Variants in POLRMT observed in about 807,000 individuals in gnomAD.
POLRMT encodes the protein DNA-directed RNA polymerase, mitochondrial.
POLRMT carries 114 observed loss-of-function variants against 132.2 expected under a neutral mutation model. The ratio of observed to expected loss-of-function variants is 0.86; its 90% CI spans 0.74 to 1.01. The LOEUF is 1.01. POLRMT is among the 50% of genes least tolerant of loss of function. POLRMT has a pLI of 0.00. For missense variants in POLRMT, 2,003 were observed against 1,729.1 expected, an observed-to-expected ratio of 1.16 and a Z score of -2.81; for synonymous variants, 1,020 against 773.4, an observed-to-expected ratio of 1.32 and a Z score of -5.29.
At chr19:631,060 G>A (rs574062013) in intron 2 of POLRMT, among the ~76,000 whole-genome samples, 2 of 152,174 alleles carry the variant, frequency 1.3e-5, no homozygotes, top group South Asian at 4.1e-4. Flanking sequence ...TTGGGAGGCT[G>A]AGGCAGGAGA....
Position 624,855 on chromosome 19 carries a change from G to A in POLRMT, c.1004C>T (p.Thr335Ile), listed in dbSNP as rs775391846. ...ATCCTCCTCAGACAGCAGAACGGCG[G>A]TGAAGAGTGCCTGCAGCTTCAGCCC... The part of the protein sequence containing the change: ...QEGLKLQALF[T>I]AVLLSEEDRA... Residue 335 changes from threonine to isoleucine, a missense_variant, in exon 5 of 21, where the codon ACC (threonine) becomes ATC (isoleucine). Physicochemically the swap from Thr to Ile is moderately conservative, Grantham distance 89. Coordinates refer to ENST00000588649, the MANE Select transcript of POLRMT (RefSeq NM_005035.4). The A allele has an allele frequency of 5.0e-6, 8 of 1,613,078 alleles. No individual in the cohort carries two copies. The Admixed American group carries it at 1.0e-4, about 20-fold the overall frequency.
In POLRMT at chr19:621,605, G is replaced by C. The variant is rs1461637819; in HGVS notation, c.2093C>G (p.Ala698Gly). Residue 698 changes from alanine (A) to glycine (G), a missense_variant, in exon 10 of 21, where the codon GCC (alanine) becomes GGC (glycine). Ala to Gly is a moderately conservative substitution (Grantham distance 60, BLOSUM62 0). Coordinates refer to ENST00000588649, the MANE Select transcript of POLRMT (RefSeq NM_005035.4). ...PPTALHGALD[A>G]LTQLGNCAWR... ...GGCGCAGTTGCCCAGTTGGGTGAGG[G>C]CGTCCAGTGCGCCATGCAGCGCGGT... is the stretch of plus-strand genomic sequence containing the variant. 1 of 1,504,314 alleles carries C rather than the reference G, an allele frequency of 6.6e-7. No homozygotes were observed. The highest frequency in any genetic ancestry group is 8.9e-7 in the Non-Finnish European group (1 of 1,129,126). 93.2% of individuals were successfully genotyped at this position (1,504,314 alleles called of 1,614,324 possible).
At chr19:632,752 T>C in intron 2 of POLRMT, 82 bp downstream of exon 2, 3 of 1,262,432 alleles carry the variant, frequency 2.4e-6, no homozygotes, top group Non-Finnish European at 3.2e-6. Flanking sequence ...TCAGCCTGTC[T>C]CAGAATCTGA....
At position 622,671 on chromosome 19, in the gene POLRMT, C is replaced by T. The variant is rs574244685; in HGVS notation, c.1537G>A (p.Val513Met). Residue 513 changes from valine to methionine, a missense_variant, in exon 8 of 21, where the codon GTG (valine) becomes ATG (methionine). Coordinates refer to ENST00000588649, the MANE Select transcript of POLRMT (RefSeq NM_005035.4). ...CCACTGACCCGCTGCCTCTGCACCA[C>T]GTGCCGGCTGAAAGTGCGCGCACTC... is the stretch of plus-strand genomic sequence containing the variant. ...ELSARTFSRH[V>M]VQRQRVSGQV... The T allele has an allele frequency of 5.0e-6, 8 of 1,606,246 alleles. No individual in the cohort carries two copies. The highest frequency in any genetic ancestry group is 1.1e-5 in the South Asian group (1 of 89,910).
intron 1 of POLRMT, 62 bp from the exon 2 acceptor site, chr19:633,000 G>A: frequency 1.6e-6 from 2 of 1,241,966 alleles, no homozygotes; most frequent in African/African-American, 1.6e-5. Context: ...CTCCATAAAG[G>A]CAGAAGCCGA....
rs760388809 is a variant in POLRMT, at chr19:619,770, A to C, written c.2887-5T>G. ...CTGCCTACGGAACACCTCCACCTGCACGGCGGGTGGGCCGGGGGCGCGGGT... is the reference window on the plus strand; with the variant it reads ...CTGCCTACGGAACACCTCCACCTGCCCGGCGGGTGGGCCGGGGGCGCGGGT... On this transcript the variant is annotated splice_region_variant and splice_polypyrimidine_tract_variant and intron_variant, in intron 12 of 20. Coordinates refer to ENST00000588649, the MANE Select transcript of POLRMT (RefSeq NM_005035.4). 1 of 1,565,536 alleles carries C rather than the reference A, an allele frequency of 6.4e-7. No homozygotes were observed. The highest frequency in any genetic ancestry group is 8.7e-7 in the Non-Finnish European group (1 of 1,155,524).
chr19:619,563 G>A lies in POLRMT; in HGVS notation c.3066+23C>T, dbSNP rs201169629. 14 of 1,610,846 alleles carry A rather than the reference G, an allele frequency of 8.7e-6. No homozygotes were observed. In the East Asian group the frequency reaches 1.8e-4, roughly 21 times the overall value. On this transcript the variant is annotated intron_variant, in intron 13 of 20. Transcript: ENST00000588649. ...AAATGGCAGTGAAACCAACGTGTTC[G>A]CAGCGCGACATGCCTGGCGCACCTG...
At chr19:618,926 GCACTGGTACACTGGGA>G in intron 15 of POLRMT, 55 bp downstream of exon 15, 1 of 1,385,440 alleles carries the variant, frequency 7.2e-7, no homozygotes, top group Non-Finnish European at 9.9e-7. Context: ...GTACGCTGGG[GCACTGGTACACTGGGA>G]CGCTGTTACA....
intron 9 of POLRMT, 58 bp from the exon 10 acceptor site, chr19:621,904 C>T (rs922920294): frequency 1.3e-6 from 2 of 1,570,220 alleles, no homozygotes; most frequent in Non-Finnish European, 1.7e-6. Flanking sequence ...CCTGTTCCCA[C>T]CCCTTAAACT....
intron 9 of POLRMT, 73 bp from the exon 10 acceptor site, chr19:621,919 T>A (rs1400092226): frequency 6.6e-7 from 1 of 1,524,156 alleles, no homozygotes; most frequent in African/African-American, 1.4e-5. Context: ...TAAACTTGGG[T>A]GAGAGGGGCC....
In POLRMT at chr19:621,323, C is replaced by T. The variant is rs949354597; in HGVS notation, c.2375G>A (p.Arg792His). 6 of 1,594,566 alleles carry T rather than the reference C, an allele frequency of 3.8e-6. No individual in the cohort carries two copies. In the African/African-American group the frequency reaches 4.0e-5, roughly 11 times the overall value. The change falls in exon 10 of 21, where the codon CGC becomes CAC. Residue 792 changes from arginine to histidine, a missense_variant. Coordinates refer to ENST00000588649, the MANE Select transcript of POLRMT (RefSeq NM_005035.4). The part of the protein sequence containing the change: ...RLSLAQHLRD[R>H]VFWLPHNMDF... The stretch of plus-strand genomic sequence containing the variant: ...CATGTTGTGCGGCAGCCAGAAGACG[C>T]GGTCCCGCAGGTGCTGCGCCAGCGA...
intron 3 of POLRMT, among the ~76,000 whole-genome samples, chr19:626,510 G>C (rs1426211892): frequency 6.7e-6 from 1 of 148,496 alleles, no homozygotes; most frequent in African/African-American, 2.5e-5. Flanking sequence ...TTTTTGGCCA[G>C]GCACAGTGGC....
intron 15 of POLRMT, 45 bp from the exon 16 acceptor site, chr19:618,805 C>CGGTGGTGGTACATTGA (rs777067058): frequency 3.9e-6 from 6 of 1,553,666 alleles, no homozygotes; most frequent in Non-Finnish European, 4.4e-6. Flanking sequence ...AGGCCCAGCA[C>CGGTGGTGGTACATTGA]GGTGGTGGTA....
Position 617,254 on chromosome 19 carries a change from C to G in POLRMT, c.*20G>C. ...GTGGCAAAAGAGCTTTATTTACACA[C>G]TGACAAGGCTCACGGGGTGTCAGCT... On this transcript the variant is annotated 3_prime_UTR_variant, in exon 21 of 21. Coordinates refer to ENST00000588649, the MANE Select transcript of POLRMT (RefSeq NM_005035.4). 1.9e-6 allele frequency: 3 copies of G among 1,612,368 alleles called. No individual in the cohort carries two copies. Among genetic ancestry groups the G allele is most frequent in the Non-Finnish European group, 2.5e-6 (3 of 1,179,724 alleles).
Position 620,020 on chromosome 19 carries a change from C to T in POLRMT, c.2824G>A (p.Ala942Thr), listed in dbSNP as rs765538078. ...TCCGAGGGCTCCAGGTTGACGGAGGCGGCGCCCACGCTGTCGCGGCCCAGA... is the reference window on the plus strand; with the variant it reads ...TCCGAGGGCTCCAGGTTGACGGAGGTGGCGCCCACGCTGTCGCGGCCCAGA... Reference protein sequence around the residue: ...AALGRDSVGAASVNLEPSDVP... With the variant: ...AALGRDSVGATSVNLEPSDVP... Residue 942 changes from alanine (A) to threonine (T), a missense_variant, in exon 12 of 21, where the codon GCC (alanine) becomes ACC (threonine). Coordinates refer to ENST00000588649, the MANE Select transcript of POLRMT (RefSeq NM_005035.4). 7 of 1,576,702 alleles carry T rather than the reference C, an allele frequency of 4.4e-6. No individual in the cohort carries two copies. The highest frequency in any genetic ancestry group is 1.3e-5 in the African/African-American group (1 of 74,424).
chr19:632,622 G>C (rs1455199577), intron 2 of POLRMT, among the ~76,000 whole-genome samples: 1 of 152,146 alleles, frequency 6.6e-6, no homozygotes, highest in African/African-American at 2.4e-5. Flanking sequence ...TGGGGAGGGG[G>C]AATTACGAGA....
chr19:620,279 G>C, intron 11 of POLRMT, 86 bp downstream of exon 11: 1 of 1,464,158 alleles, frequency 6.8e-7, no homozygotes, highest in Admixed American at 2.4e-5. Context: ...AATACCACGA[G>C]CGAAGGTGAA....
At chr19:623,934 TATGA>T (rs1380163189) in intron 5 of POLRMT, among the ~76,000 whole-genome samples, 1 of 152,180 alleles carries the variant, frequency 6.6e-6, no homozygotes, top group East Asian at 1.9e-4. Context: ...CTCAGAACTG[TATGA>T]ATGTGACCCA....
chr19:617,942 G>T, intron 17 of POLRMT, 93 bp from the exon 18 acceptor site: 1 of 1,209,622 alleles, frequency 8.3e-7, no homozygotes. Flanking sequence ...CCCTCCACTT[G>T]AGGTCCAGGG....
Sources: allele counts gnomAD v4.1 joint callset (sites outside exome capture counted in the v4.1 genomes callset), GRCh38; gene constraint gnomAD v4.1.1; transcripts MANE v1.5; gene names NCBI Gene and HGNC (gene_info 2026-07-23, HGNC 2026-07-21).